The following ADAMTSL1 variants were observed in gnomAD, a reference collection of about 807,000 sequenced individuals.
The protein encoded by ADAMTSL1 is ADAMTS like 1, also known as ADAMTS-like protein 1.
A neutral mutation model predicts 201.8 loss-of-function variants in ADAMTSL1; 126 were observed. The ratio of observed to expected loss-of-function variants is 0.62; its 90% CI spans 0.54 to 0.72. The LOEUF is 0.72. ADAMTSL1 is among the 30% of genes least tolerant of loss of function. The pLI, the probability that ADAMTSL1 is intolerant of heterozygous loss-of-function variation, is 0.00. For synonymous variants in ADAMTSL1, 1,121 were observed against 903.4 expected, an observed-to-expected ratio of 1.24 and a Z score of -4.32; for missense variants, 2,679 against 2,277.8, an observed-to-expected ratio of 1.18 and a Z score of -3.59.
chr9:18,615,154 C>T (rs73433542), intron 4 of ADAMTSL1, among the ~76,000 whole-genome samples: 2,493 of 152,214 alleles, frequency 0.016, 60 homozygotes, highest in African/African-American at 0.057. Flanking sequence ...GCACTGTTAC[C>T]ACCTTTGCGA....
intron 1 of ADAMTSL1, among the ~76,000 whole-genome samples, chr9:18,108,951 C>T (rs10119063): frequency 0.32 from 48,349 of 151,898 alleles, 12,013 homozygotes; most frequent in African/African-American, 0.69. Flanking sequence ...TGTCCCTGAT[C>T]GTGGTATAAA....
intron 16 of ADAMTSL1, among the ~76,000 whole-genome samples, chr9:18,767,404 G>C (rs935688006): frequency 6.6e-6 from 1 of 152,118 alleles, no homozygotes; most frequent in Non-Finnish European, 1.5e-5. Context: ...AATCCACGTG[G>C]TTAGTTGGCT....
At chr9:18,412,750 C>T (rs1444606729) in intron 2 of ADAMTSL1, among the ~76,000 whole-genome samples, 1 of 152,138 alleles carries the variant, frequency 6.6e-6, no homozygotes, top group Non-Finnish European at 1.5e-5. Context: ...TATTCTATTT[C>T]CTTTTGACAT....
intron 7 of ADAMTSL1, among the ~76,000 whole-genome samples, chr9:18,642,843 G>T (rs539827527): frequency 6.6e-6 from 1 of 151,942 alleles, no homozygotes; most frequent in Non-Finnish European, 1.5e-5. Flanking sequence ...TGAACACCTA[G>T]GTTGATTTCA....
intron 1 of ADAMTSL1, among the ~76,000 whole-genome samples, chr9:18,045,685 A>G (rs780221955): frequency 1.3e-5 from 2 of 151,686 alleles, no homozygotes; most frequent in African/African-American, 4.8e-5. Context: ...TTACCCTCAC[A>G]TTGTCTAGTC....
intron 2 of ADAMTSL1, among the ~76,000 whole-genome samples, chr9:18,299,006 C>T (rs1402982384): frequency 7.2e-5 from 8 of 110,642 alleles, no homozygotes; most frequent in South Asian, 7.2e-4. Context: ...AGCCAGACTC[C>T]GTCTCAAAAA....
upstream of ADAMTSL1, among the ~76,000 whole-genome samples, chr9:18,472,140 G>T (rs548005330): frequency 2.0e-5 from 3 of 152,248 alleles, no homozygotes; most frequent in Admixed American, 6.5e-5. Flanking sequence ...TAATGACTGT[G>T]ATAGGAGGGA....
At chr9:18,031,554 G>C (rs1169899785) in intron 1 of ADAMTSL1, among the ~76,000 whole-genome samples, 1 of 152,038 alleles carries the variant, frequency 6.6e-6, no homozygotes, top group South Asian at 2.1e-4. Flanking sequence ...GCCAGCAGAT[G>C]GTCTCTTACA....
chr9:18,894,535 T>G (rs576466540), intron 26 of ADAMTSL1, among the ~76,000 whole-genome samples: 1 of 152,070 alleles, frequency 6.6e-6, no homozygotes, highest in South Asian at 2.1e-4. Context: ...GCTTCCATGA[T>G]CCATTGGATA....
At chr9:18,335,255 A>T (rs1242738481) in intron 2 of ADAMTSL1, among the ~76,000 whole-genome samples, 2 of 152,160 alleles carry the variant, frequency 1.3e-5, no homozygotes, top group Non-Finnish European at 2.9e-5. Context: ...TTGGGTTAAG[A>T]CAGGCAGCAG....
chr9:18,879,863 T>C (rs1190115298), intron 23 of ADAMTSL1, among the ~76,000 whole-genome samples: 1 of 152,230 alleles, frequency 6.6e-6, no homozygotes, highest in African/African-American at 2.4e-5. Flanking sequence ...TTACTCACAG[T>C]TGAACTTCTT....
At chr9:18,299,680 G>A (rs1355950663) in intron 2 of ADAMTSL1, among the ~76,000 whole-genome samples, 2 of 152,156 alleles carry the variant, frequency 1.3e-5, no homozygotes, top group Non-Finnish European at 2.9e-5. Context: ...CAGAACCTGG[G>A]TGATGAAGGA....
At chr9:18,259,509 CAAA>C (rs113141517) in intron 2 of ADAMTSL1, among the ~76,000 whole-genome samples, 1 of 124,396 alleles carries the variant, frequency 8.0e-6, no homozygotes, top group Non-Finnish European at 1.8e-5. Flanking sequence ...AACTCTGTCT[CAAA>C]AAAAAAAAAA....
Position 18,716,124 on chromosome 9 carries a change from C to T in ADAMTSL1, c.1877-5412C>T, listed in dbSNP as rs940099547. Among the ~76,000 whole-genome samples the T allele has an allele frequency of 9.9e-5, 15 of 151,546 alleles. No homozygotes were observed. The South Asian group carries it at 1.0e-3, about 11-fold the overall frequency. On this transcript the variant is annotated intron_variant, in intron 14 of 28. Coordinates refer to ENST00000380548, the MANE Select transcript of ADAMTSL1 (RefSeq NM_001040272.6). ...AAGACTTAAACGTTAGACCTAAAAC[C>T]GTAAAAACCCTAGAGGAAAACCTAG...
chr9:18,682,615 T>C (rs77297750), intron 12 of ADAMTSL1, among the ~76,000 whole-genome samples: 208 of 152,314 alleles, frequency 1.4e-3, no homozygotes, highest in South Asian at 6.2e-3. Flanking sequence ...TTGTTACTTG[T>C]CTGTGTCAAT....
At chr9:18,450,430 A>G (rs1417035) in intron 2 of ADAMTSL1, among the ~76,000 whole-genome samples, 54,276 of 151,778 alleles carry the variant, frequency 0.36, 11,299 homozygotes, top group East Asian at 0.55. Flanking sequence ...TAATGAAAAT[A>G]TATTTGCCAT....
At chr9:17,938,082 G>GA (rs1381093896) in intron 1 of ADAMTSL1, among the ~76,000 whole-genome samples, 3 of 151,944 alleles carry the variant, frequency 2.0e-5, no homozygotes, top group African/African-American at 4.8e-5. Flanking sequence ...AATATGCTTG[G>GA]AAAAAAATGT....
chr9:18,419,696 A>G (rs565187111), intron 2 of ADAMTSL1, among the ~76,000 whole-genome samples: 2 of 151,838 alleles, frequency 1.3e-5, no homozygotes, highest in East Asian at 3.9e-4. Flanking sequence ...AGTCAATGTC[A>G]AAAAATTGCA....
intron 9 of ADAMTSL1, 147 bp downstream of exon 9, chr9:18,662,220 GTT>G: frequency 9.1e-7 from 1 of 1,100,534 alleles, no homozygotes; most frequent in Non-Finnish European, 1.3e-6. Flanking sequence ...CTAATCACGT[GTT>G]ATTAGTACCC....
Sources: gnomAD v4.1 joint callset for allele counts (sites outside exome capture counted in the v4.1 genomes callset) on GRCh38, gnomAD v4.1.1 for gene constraint, MANE v1.5 for transcripts, NCBI Gene and HGNC (gene_info 2026-07-23, HGNC 2026-07-21) for gene names.